The following SLIT3 variants were observed in gnomAD, a reference collection of about 807,000 sequenced individuals.
The protein encoded by SLIT3 is slit guidance ligand 3.
Under a neutral mutation model 184.0 loss-of-function variants are expected in SLIT3, and 68 were observed. The ratio of observed to expected loss-of-function variants is 0.37; its 90% CI spans 0.30 to 0.45. SLIT3 has a LOEUF of 0.45. Among genes scored for constraint, SLIT3 ranks in the 20% least tolerant of loss-of-function variants. The probability of loss-of-function intolerance (pLI) is 1.00; values close to 1 mark genes in which losing one functional copy is unlikely to be tolerated. For missense variants in SLIT3, 1,707 were observed against 2,026.0 expected, an observed-to-expected ratio of 0.84 and a Z score of 3.02; for synonymous variants, 831 against 828.6, an observed-to-expected ratio of 1.00 and a Z score of -0.05.
intron 5 of SLIT3, among the ~76,000 whole-genome samples, chr5:168,863,478 C>T (rs900436704): frequency 8.5e-5 from 13 of 152,184 alleles, no homozygotes; most frequent in Admixed American, 1.3e-4. Context: ...CAGAAATGCC[C>T]GTTGAATACA....
chr5:169,272,170 T>C (rs1457606163), intron 1 of SLIT3, among the ~76,000 whole-genome samples: 1 of 152,230 alleles, frequency 6.6e-6, no homozygotes, highest in East Asian at 1.9e-4. Context: ...AGGAGAGAAA[T>C]GGACCTTCAT....
intron 14 of SLIT3, among the ~76,000 whole-genome samples, chr5:168,769,970 C>T (rs1755487615): frequency 6.6e-6 from 1 of 152,216 alleles, no homozygotes; most frequent in Non-Finnish European, 1.5e-5. Flanking sequence ...TGAGAGCTAT[C>T]TTGCTGTTCG....
chr5:168,937,163 A>G (rs1447914273), intron 4 of SLIT3, among the ~76,000 whole-genome samples: 6 of 152,020 alleles, frequency 3.9e-5, no homozygotes, highest in Non-Finnish European at 8.8e-5. Context: ...AGTCCAGCGT[A>G]CTGGAGGGGT....
intron 29 of SLIT3, among the ~76,000 whole-genome samples, chr5:168,689,123 TA>T (rs1234127139): frequency 1.3e-5 from 2 of 152,122 alleles, no homozygotes; most frequent in African/African-American, 2.4e-5. Context: ...GGGATCTTGT[TA>T]AAATGTGTCT....
At chr5:169,172,847 A>G (rs1006329) in intron 4 of SLIT3, among the ~76,000 whole-genome samples, 63,177 of 152,076 alleles carry the variant, frequency 0.42, 14,574 homozygotes, top group East Asian at 0.74. Context: ...TTAAAGCACC[A>G]GTCTCGGAGT....
At chr5:168,767,407 G>C (rs1165122548) in intron 14 of SLIT3, among the ~76,000 whole-genome samples, 11 of 152,202 alleles carry the variant, frequency 7.2e-5, no homozygotes, top group Non-Finnish European at 1.0e-4. Flanking sequence ...AAAATAAGAG[G>C]TACCAAGATC....
intron 1 of SLIT3, among the ~76,000 whole-genome samples, chr5:169,261,036 A>G (rs1283007590): frequency 6.6e-6 from 1 of 152,248 alleles, no homozygotes; most frequent in Non-Finnish European, 1.5e-5. Context: ...ATAAATGAGT[A>G]TGGCTGTGTG....
At chr5:168,745,275 GGAAA>G (rs1763764602) in intron 20 of SLIT3, among the ~76,000 whole-genome samples, 1 of 152,202 alleles carries the variant, frequency 6.6e-6, no homozygotes, top group Non-Finnish European at 1.5e-5. Context: ...TTATAGATGA[GGAAA>G]GAAATTGGTT....
Position 169,094,366 on chromosome 5 carries a change from C to T in SLIT3, c.413+99113G>A, listed in dbSNP as rs548447349. 1.2e-3 allele frequency among the ~76,000 whole-genome samples: 178 copies of T among 152,326 alleles called. 3 individuals carry two copies. The highest frequency in any genetic ancestry group is 9.7e-3 in the Admixed American group (149 of 15,300). ...AGCCCAGGCCAGGTGTGTTGGCTCA[C>T]GCCTGTAATCCCAGCACTTTGGGAG... On this transcript the variant is annotated intron_variant, in intron 4 of 35. Transcript: ENST00000519560.
intron 20 of SLIT3, among the ~76,000 whole-genome samples, chr5:168,725,957 G>T (rs751453494): frequency 5.3e-5 from 8 of 152,144 alleles, no homozygotes; most frequent in Non-Finnish European, 1.0e-4. Flanking sequence ...TCCTCCTATG[G>T]CTGGCCCCTG....
At chr5:168,822,356 G>A (rs1757560785) in intron 7 of SLIT3, among the ~76,000 whole-genome samples, 1 of 152,332 alleles carries the variant, frequency 6.6e-6, no homozygotes, top group Non-Finnish European at 1.5e-5. Context: ...AGGGAACAGA[G>A]GAAACAGAGC....
At chr5:169,165,743 G>A (rs1762617992) in intron 4 of SLIT3, among the ~76,000 whole-genome samples, 1 of 151,774 alleles carries the variant, frequency 6.6e-6, no homozygotes, top group Non-Finnish European at 1.5e-5. Flanking sequence ...ATTGCTTTGT[G>A]TAATTTTTCT....
chr5:169,046,096 T>G (rs571703848), intron 4 of SLIT3, among the ~76,000 whole-genome samples: 1 of 152,016 alleles, frequency 6.6e-6, no homozygotes, highest in Non-Finnish European at 1.5e-5. Flanking sequence ...GACAAAGAAG[T>G]AGGAGACAGT....
In SLIT3 at chr5:168,977,551, A is replaced by G. The variant is rs188650704; in HGVS notation, c.414-94215T>C. 2.0e-5 allele frequency among the ~76,000 whole-genome samples: 3 copies of G among 152,274 alleles called. No homozygotes were observed. In the East Asian group the frequency reaches 5.8e-4, roughly 29 times the overall value. ...GCTGGGTCAGTGAGGTTCTCCCTCC[A>G]TGACATTTGAATTACAGACAAAGGG... On this transcript the variant is annotated intron_variant, in intron 4 of 35. Coordinates refer to ENST00000519560, the MANE Select transcript of SLIT3 (RefSeq NM_003062.4).
intron 1 of SLIT3, among the ~76,000 whole-genome samples, chr5:169,298,539 A>G (rs998487510): frequency 6.6e-6 from 1 of 152,220 alleles, no homozygotes; most frequent in South Asian, 2.1e-4. Flanking sequence ...GACCCCAAGC[A>G]GCAGACCTAA....
intron 1 of SLIT3, among the ~76,000 whole-genome samples, chr5:169,269,302 C>T (rs1231146197): frequency 6.6e-6 from 1 of 152,258 alleles, no homozygotes; most frequent in Non-Finnish European, 1.5e-5. Context: ...TGACTCCACG[C>T]AACCGGCCTT....
chr5:168,741,681 T>C (rs1763645657), intron 20 of SLIT3, among the ~76,000 whole-genome samples: 2 of 151,878 alleles, frequency 1.3e-5, no homozygotes, highest in African/African-American at 4.8e-5. Flanking sequence ...AGAAGAGCCA[T>C]GGGGATACAA....
intron 18 of SLIT3, among the ~76,000 whole-genome samples, chr5:168,751,147 T>C (rs1390920604): frequency 2.0e-5 from 3 of 151,698 alleles, no homozygotes; most frequent in Non-Finnish European, 4.4e-5. Flanking sequence ...CCCACGGAGC[T>C]AGAATGGAGA....
intron 4 of SLIT3, among the ~76,000 whole-genome samples, chr5:169,011,593 A>ACT (rs1756155574): frequency 6.6e-6 from 1 of 152,188 alleles, no homozygotes; most frequent in African/African-American, 2.4e-5. Context: ...TGAGGAATGC[A>ACT]CTGCCCAGCA....
Sources: allele counts gnomAD v4.1 joint callset (sites outside exome capture counted in the v4.1 genomes callset), GRCh38; gene constraint gnomAD v4.1.1; transcripts MANE v1.5; gene names NCBI Gene and HGNC (gene_info 2026-07-23, HGNC 2026-07-21).